Variants in REDIC1 observed in about 807,000 individuals in gnomAD.
REDIC1 encodes regulator of DNA class I crossover intermediates 1, also known as HEI10 Interacting Protein 1.
the REDIC1 span, among the ~76,000 whole-genome samples, chr12:39,631,426 A>G: frequency 6.6e-6 from 1 of 152,128 alleles, no homozygotes; most frequent in African/African-American, 2.4e-5. Flanking sequence ...GACTAGTACA[A>G]AGGTTTTGAT....
At chr12:39,678,137 A>G in the REDIC1 span, among the ~76,000 whole-genome samples, 11 of 152,178 alleles carry the variant, frequency 7.2e-5, no homozygotes, top group African/African-American at 2.2e-4. Context: ...AAACAATACA[A>G]AAGATAAATG....
chr12:39,716,170 A>G, the REDIC1 span, among the ~76,000 whole-genome samples: 2 of 151,994 alleles, frequency 1.3e-5, no homozygotes, highest in Non-Finnish European at 2.9e-5. Context: ...ACAAGGGAAC[A>G]GGAGTGGTTG....
the REDIC1 span, among the ~76,000 whole-genome samples, chr12:39,645,817 G>T: frequency 6.6e-6 from 1 of 152,062 alleles, no homozygotes; most frequent in South Asian, 2.1e-4. Flanking sequence ...GCCCAAGCTG[G>T]TCTTGAACTC....
chr12:39,840,421 C>T, the REDIC1 span, among the ~76,000 whole-genome samples: 14 of 152,046 alleles, frequency 9.2e-5, no homozygotes, highest in African/African-American at 3.1e-4. Context: ...TTCCCATTGC[C>T]TATAGGATGA....
chr12:39,710,166 A>G, the REDIC1 span, among the ~76,000 whole-genome samples: 2 of 151,660 alleles, frequency 1.3e-5, no homozygotes, highest in Non-Finnish European at 2.9e-5. Flanking sequence ...TCTTCTTTTT[A>G]TTCTGTTCTT....
At chr12:39,665,215 G>T in the REDIC1 span, among the ~76,000 whole-genome samples, 6 of 151,986 alleles carry the variant, frequency 3.9e-5, no homozygotes, top group South Asian at 2.1e-4. Context: ...GGTCTAACAT[G>T]TAAGTCTTTA....
At chr12:39,907,977 G>A in the REDIC1 span, 1 of 151,988 alleles carries the variant, frequency 6.6e-6, no homozygotes, top group Non-Finnish European at 1.5e-5. Context: ...CAGCTATGGT[G>A]GGAGCCACAT....
At chr12:39,700,032 C>T in the REDIC1 span, among the ~76,000 whole-genome samples, 4 of 152,264 alleles carry the variant, frequency 2.6e-5, no homozygotes, top group South Asian at 6.2e-4. Context: ...AGCAGAGCGC[C>T]TCTCCTCCTC....
At chr12:39,737,730 T>G in the REDIC1 span, among the ~76,000 whole-genome samples, 59 of 152,350 alleles carry the variant, frequency 3.9e-4, no homozygotes, top group Non-Finnish European at 6.8e-4. Flanking sequence ...CTCTAATGAC[T>G]GATTTTTACC....
At chr12:39,713,324 A>ACACACATATACGTGTATATATGTG in the REDIC1 span, among the ~76,000 whole-genome samples, 1 of 145,142 alleles carries the variant, frequency 6.9e-6, no homozygotes, top group African/African-American at 2.6e-5. Flanking sequence ...ATATATGTGT[A>ACACACATATACGTGTATATATGTG]TACACATATA....
At chr12:39,706,428 C>T in the REDIC1 span, among the ~76,000 whole-genome samples, 1 of 151,952 alleles carries the variant, frequency 6.6e-6, no homozygotes, top group Non-Finnish European at 1.5e-5. Context: ...ATACCAATGA[C>T]ATTATTAACA....
the REDIC1 span, among the ~76,000 whole-genome samples, chr12:39,820,673 T>G: frequency 1.1e-5 from 1 of 91,922 alleles, no homozygotes; most frequent in Non-Finnish European, 2.3e-5. Flanking sequence ...CTCTTCTTTC[T>G]GTGACCTAGC....
the REDIC1 span, among the ~76,000 whole-genome samples, chr12:39,712,437 C>A: frequency 1.2e-5 from 1 of 86,652 alleles, no homozygotes; most frequent in Non-Finnish European, 2.4e-5. Flanking sequence ...TATATACATA[C>A]GTATATGTAT....
chr12:39,843,783 T>G, the REDIC1 span, among the ~76,000 whole-genome samples: 1 of 152,026 alleles, frequency 6.6e-6, no homozygotes, highest in East Asian at 1.9e-4. Flanking sequence ...TTTGTTGCTT[T>G]AAACCACAAA....
chr12:39,759,409 C>G, the REDIC1 span: 2 of 152,424 alleles, frequency 1.3e-5, no homozygotes, highest in Non-Finnish European at 2.9e-5. Context: ...GAGTCAGTAT[C>G]TGAAGAACTC....
the REDIC1 span, among the ~76,000 whole-genome samples, chr12:39,807,215 G>A: frequency 6.6e-6 from 1 of 152,178 alleles, no homozygotes; most frequent in Non-Finnish European, 1.5e-5. Context: ...GTAGGATGTG[G>A]GGAGTGGAGT....
the REDIC1 span, among the ~76,000 whole-genome samples, chr12:39,672,270 T>C: frequency 6.6e-6 from 1 of 152,018 alleles, no homozygotes; most frequent in Admixed American, 6.5e-5. Flanking sequence ...GGGCCCCTGA[T>C]GGTGCATGGG....
chr12:39,674,582 G>A, the REDIC1 span, among the ~76,000 whole-genome samples: 5 of 152,306 alleles, frequency 3.3e-5, no homozygotes, highest in Admixed American at 6.5e-5. Flanking sequence ...AAGTGTGAGG[G>A]GGGGATAGCC....
the REDIC1 span, chr12:39,756,750 C>G: frequency 2.0e-5 from 3 of 151,662 alleles, no homozygotes; most frequent in African/African-American, 7.2e-5. Context: ...ATAACAGATA[C>G]TGAAATTACA....
Sources: allele counts gnomAD v4.1 joint callset (sites outside exome capture counted in the v4.1 genomes callset), GRCh38; gene constraint gnomAD v4.1.1; transcripts MANE v1.5; gene names NCBI Gene and HGNC (gene_info 2026-07-23, HGNC 2026-07-21).